TAF2: variants seen among roughly 807,000 people sequenced by gnomAD.
The protein encoded by TAF2 is TATA-box binding protein associated factor 2, also known as transcription initiation factor TFIID subunit 2.
A neutral mutation model predicts 138.5 loss-of-function variants in TAF2; 61 were observed. The ratio of observed to expected loss-of-function variants is 0.44; its 90% CI spans 0.36 to 0.54. TAF2 has a LOEUF of 0.54. Ranked by LOEUF, TAF2 falls within the 20% of genes least tolerant of loss-of-function variation. The probability of loss-of-function intolerance (pLI) is 0.00; values close to 1 mark genes in which losing one functional copy is unlikely to be tolerated. For missense variants in TAF2, 1,090 were observed against 1,427.9 expected (o/e 0.76, Z 3.81); for synonymous variants, 475 against 469.9 (o/e 1.01, Z -0.14).
intron 18 of TAF2, among the ~76,000 whole-genome samples, chr8:119,773,967 C>T (rs1226966899): frequency 4.0e-5 from 6 of 151,604 alleles, no homozygotes; most frequent in African/African-American, 1.4e-4. Context: ...GTCAGGAGAT[C>T]GAGACCATCC....
At chr8:119,777,867 G>A (rs1822367023) in intron 18 of TAF2, 152 bp downstream of exon 18, 1 of 539,452 alleles carries the variant, frequency 1.9e-6, no homozygotes. Context: ...CTCTAGAAAT[G>A]TCAAGGACTG....
intron 20 of TAF2, 198 bp downstream of exon 20, chr8:119,760,401 T>C: frequency 1.7e-6 from 1 of 596,406 alleles, no homozygotes; most frequent in Non-Finnish European, 2.8e-6. Flanking sequence ...AAGATACCTA[T>C]AATTTTATTC....
At chr8:119,811,168 C>T (rs1199906190) in intron 3 of TAF2, among the ~76,000 whole-genome samples, 2 of 152,004 alleles carry the variant, frequency 1.3e-5, no homozygotes, top group African/African-American at 4.8e-5. Context: ...AGAAGAAATG[C>T]TATAGAGAGA....
rs571866076 is a variant in TAF2, at chr8:119,815,594, A to T, written c.299+3752T>A. The stretch of plus-strand genomic sequence containing the variant: ...CCGGCCGAGACTTGGTCTTAAAAAA[A>T]AAAGAAAAGAAAAAGAGGCAAAGCC... On this transcript the variant is annotated intron_variant, in intron 3 of 25. Coordinates refer to ENST00000378164, the MANE Select transcript of TAF2 (RefSeq NM_003184.4). 2.6e-5 allele frequency among the ~76,000 whole-genome samples: 4 copies of T among 152,258 alleles called. No homozygotes were observed. In the South Asian group the frequency reaches 6.2e-4, roughly 24 times the overall value.
intron 25 of TAF2, 107 bp downstream of exon 25, chr8:119,742,427 A>C: frequency 4.3e-6 from 6 of 1,409,016 alleles, no homozygotes; most frequent in Non-Finnish European, 5.8e-6. Context: ...GCCAAGTCCT[A>C]AGATCTGTAT....
chr8:119,808,712 A>G (rs1481396479), intron 3 of TAF2, among the ~76,000 whole-genome samples: 1 of 152,238 alleles, frequency 6.6e-6, no homozygotes, highest in Non-Finnish European at 1.5e-5. Flanking sequence ...GCACACATAA[A>G]AACAGTATTA....
chr8:119,785,080 T>A, intron 15 of TAF2, 121 bp downstream of exon 15: 1 of 736,976 alleles, frequency 1.4e-6, no homozygotes, highest in Non-Finnish European at 2.3e-6. Context: ...TTCTATTAAA[T>A]TAAAATAATG....
Position 119,801,989 on chromosome 8 carries a change from C to T in TAF2, c.597G>A (p.Leu199=), listed in dbSNP as rs1286281943. 5 of 1,613,878 alleles carry T rather than the reference C, an allele frequency of 3.1e-6. No individual in the cohort carries two copies. The highest frequency in any genetic ancestry group is 3.3e-5 in the Admixed American group (2 of 59,984). The change falls in exon 6 of 26, where the codon TTG becomes TTA. Residue 199 remains leucine, a synonymous_variant. Coordinates refer to ENST00000378164, the MANE Select transcript of TAF2 (RefSeq NM_003184.4). ...CTGTAAATTCTAATTTCCATGTACA[C>T]AATTCAGAGTATGAATCAACACAAG... The part of the protein sequence containing the change: ...WFPCVDSYSE[L]CTWKLEFTVD...
intron 21 of TAF2, 57 bp from the exon 22 acceptor site, chr8:119,756,172 G>A: frequency 8.2e-7 from 1 of 1,222,942 alleles, no homozygotes; most frequent in East Asian, 2.4e-5. Flanking sequence ...GATGCTATGA[G>A]TAGGAGACAA....
At chr8:119,749,052 C>T (rs1820171902) in intron 22 of TAF2, among the ~76,000 whole-genome samples, 1 of 151,996 alleles carries the variant, frequency 6.6e-6, no homozygotes, top group Non-Finnish European at 1.5e-5. Flanking sequence ...TGTATGCTGT[C>T]GATGATCTCA....
intron 3 of TAF2, among the ~76,000 whole-genome samples, chr8:119,819,002 T>C (rs1256755766): frequency 6.6e-6 from 1 of 152,160 alleles, no homozygotes; most frequent in Non-Finnish European, 1.5e-5. Context: ...GTCTACAGAT[T>C]ACAGTGACCA....
intron 6 of TAF2, 77 bp downstream of exon 6, chr8:119,801,717 C>T (rs774987121): frequency 1.3e-5 from 19 of 1,422,708 alleles, no homozygotes; most frequent in Middle Eastern, 3.5e-4. Context: ...CATGAGCCAC[C>T]GTGCCTTGCC....
chr8:119,761,269 T>C, intron 19 of TAF2, among the ~76,000 whole-genome samples: 1 of 152,212 alleles, frequency 6.6e-6, no homozygotes, highest in East Asian at 1.9e-4. Flanking sequence ...TATAGTAACA[T>C]GCTTTACAGC....
intron 3 of TAF2, among the ~76,000 whole-genome samples, chr8:119,817,825 G>T (rs1437719577): frequency 6.6e-6 from 1 of 152,154 alleles, no homozygotes; most frequent in Non-Finnish European, 1.5e-5. Context: ...TCTTTATCAG[G>T]TGACCTTTCC....
intron 4 of TAF2, 82 bp downstream of exon 4, chr8:119,806,201 T>C: frequency 8.7e-7 from 1 of 1,153,468 alleles, no homozygotes; most frequent in Non-Finnish European, 1.3e-6. Context: ...AGTGCCTGCA[T>C]CATTAGTTCT....
chr8:119,772,659 G>A (rs1036858240), intron 18 of TAF2, among the ~76,000 whole-genome samples: 4 of 151,854 alleles, frequency 2.6e-5, no homozygotes, highest in Admixed American at 1.3e-4. Flanking sequence ...AAATAAGGCC[G>A]GGTGTGGTGG....
intron 23 of TAF2, chr8:119,745,169 A>C: frequency 2.9e-6 from 1 of 349,912 alleles, no homozygotes; most frequent in South Asian, 2.3e-5. Context: ...AATGGGCTTA[A>C]AATAAATGTA....
intron 23 of TAF2, chr8:119,744,803 C>A: frequency 2.4e-6 from 1 of 417,890 alleles, no homozygotes; most frequent in Non-Finnish European, 4.8e-6. Flanking sequence ...AAGGAAAAAC[C>A]ACTGCAAGTA....
chr8:119,831,944 A>G (rs1022185325), intron 1 of TAF2, among the ~76,000 whole-genome samples: 12 of 152,238 alleles, frequency 7.9e-5, no homozygotes, highest in Middle Eastern at 3.4e-3. Context: ...GCGGATCACG[A>G]GGTCAAGAGT....
Sources: allele counts gnomAD v4.1 joint callset (sites outside exome capture counted in the v4.1 genomes callset), GRCh38; gene constraint gnomAD v4.1.1; transcripts MANE v1.5; gene names NCBI Gene and HGNC (gene_info 2026-07-23, HGNC 2026-07-21).